NEK11: variants seen among roughly 807,000 people sequenced by gnomAD.
NEK11 encodes the protein serine/threonine-protein kinase Nek11.
NEK11 carries 72 observed loss-of-function variants against 80.7 expected under a neutral mutation model. The observed-to-expected ratio is 0.89, with a 90% CI of 0.74 to 1.08. The LOEUF is 1.08. NEK11 is among the 50% of genes least tolerant of loss of function. The pLI is 0.00. For synonymous variants in NEK11, 251 were observed against 260.7 expected, an observed-to-expected ratio of 0.96 and a Z score of 0.36; for missense variants, 764 against 763.6, an observed-to-expected ratio of 1.00 and a Z score of -0.01.
intron 11 of NEK11, among the ~76,000 whole-genome samples, chr3:131,164,208 A>G (rs1362601456): frequency 6.6e-6 from 1 of 152,194 alleles, no homozygotes; most frequent in African/African-American, 2.4e-5. Flanking sequence ...ATATTTAACA[A>G]CCAGCTCTGG....
At chr3:131,135,386 A>G (rs1349033965) in intron 7 of NEK11, among the ~76,000 whole-genome samples, 1 of 152,174 alleles carries the variant, frequency 6.6e-6, no homozygotes, top group Non-Finnish European at 1.5e-5. Context: ...TACCACATCC[A>G]AAAGAAAAAG....
At chr3:131,180,338 A>G (rs947539259) in intron 14 of NEK11, among the ~76,000 whole-genome samples, 2 of 152,218 alleles carry the variant, frequency 1.3e-5, no homozygotes, top group Non-Finnish European at 2.9e-5. Flanking sequence ...AAATTAGGGT[A>G]ATGAACAAAA....
rs377447078 is a variant in NEK11 at position 131,029,881 on chromosome 3, A to G, written c.170+3A>G. 9.3e-6 allele frequency: 15 copies of G among 1,613,872 alleles called. No individual in the cohort carries two copies. Among genetic ancestry groups the G allele is most frequent in the African/African-American group, 1.3e-5 (1 of 74,932 alleles). ...AAAGCCAAACGAGGAGAGGAATTGT[A>G]AGTAAAAATGCTTCCTATGAATCTT... is the stretch of plus-strand genomic sequence containing the variant. On this transcript the variant is annotated splice_donor_region_variant and intron_variant, in intron 3 of 17. Transcript: ENST00000383366.
At chr3:131,231,018 C>T (rs2095319427) in intron 15 of NEK11, among the ~76,000 whole-genome samples, 1 of 152,098 alleles carries the variant, frequency 6.6e-6, no homozygotes, top group African/African-American at 2.4e-5. Context: ...TCCACCATGA[C>T]TGTGAGGCCT....
chr3:131,168,774 G>T, intron 12 of NEK11, 56 bp from the exon 13 acceptor site: 2 of 1,325,580 alleles, frequency 1.5e-6, no homozygotes, highest in East Asian at 2.4e-5. Flanking sequence ...TTCACCTCTA[G>T]ATGAAGAAAG....
chr3:131,130,188 G>A (rs991007739), intron 5 of NEK11, among the ~76,000 whole-genome samples: 37 of 151,712 alleles, frequency 2.4e-4, no homozygotes, highest in Middle Eastern at 3.2e-3. Context: ...TCATTTCAGG[G>A]GTACTAATGT....
intron 14 of NEK11, among the ~76,000 whole-genome samples, chr3:131,179,912 C>A (rs545093968): frequency 7.2e-4 from 109 of 152,204 alleles, no homozygotes; most frequent in Non-Finnish European, 6.6e-4. Context: ...TTGTATTGGT[C>A]AGGCTAGGCT....
In NEK11 at chr3:131,125,952, G is replaced by A. The variant is rs1204350199; in HGVS notation, c.456-6793G>A. Among the ~76,000 whole-genome samples the A allele has an allele frequency of 1.5e-4, 23 of 152,210 alleles. 1 individual carries two copies. Among genetic ancestry groups the A allele is most frequent in the Admixed American group, 1.4e-3 (22 of 15,270 alleles). The stretch of plus-strand genomic sequence containing the variant: ...AACTGTAGACTCTATTCTGGAAGCA[G>A]TGCAGAGCCATTGAAGGACTTAAGT... On this transcript the variant is annotated intron_variant, in intron 5 of 17. Transcript: ENST00000383366.
At position 131,333,748 on chromosome 3, in the gene NEK11, G is replaced by C. The variant is rs190369398; in HGVS notation, c.1719-15809G>C. Among the ~76,000 whole-genome samples, 4 of 152,298 alleles carry C rather than the reference G, an allele frequency of 2.6e-5. No homozygotes were observed. In the East Asian group the frequency reaches 7.7e-4, roughly 29 times the overall value. Reference sequence around the variant, plus strand: ...ATCTCATGTGCTGAGACACACATAGGCTCAAAATAAAAGGATGGAGGAAGA... The same window carrying C: ...ATCTCATGTGCTGAGACACACATAGCCTCAAAATAAAAGGATGGAGGAAGA... On this transcript the variant is annotated intron_variant, in intron 17 of 17. Coordinates refer to ENST00000383366, the MANE Select transcript of NEK11 (RefSeq NM_024800.5).
At chr3:131,145,773 A>T (rs2088066822) in intron 7 of NEK11, among the ~76,000 whole-genome samples, 1 of 152,116 alleles carries the variant, frequency 6.6e-6, no homozygotes, top group African/African-American at 2.4e-5. Context: ...CCTACTCAGT[A>T]TGGAACCTTG....
At chr3:131,176,448 G>A (rs1370517485) in intron 14 of NEK11, among the ~76,000 whole-genome samples, 2 of 152,134 alleles carry the variant, frequency 1.3e-5, no homozygotes, top group Non-Finnish European at 2.9e-5. Context: ...TTTCATAATA[G>A]TGTTTCCACC....
At chr3:131,113,249 A>G (rs1047736678) in intron 5 of NEK11, among the ~76,000 whole-genome samples, 1 of 152,076 alleles carries the variant, frequency 6.6e-6, no homozygotes, top group African/African-American at 2.4e-5. Flanking sequence ...TTAATTATGA[A>G]TATGCTGGGT....
chr3:131,228,502 A>G (rs776039772), intron 14 of NEK11, 26 bp from the exon 15 acceptor site: 1 of 1,583,100 alleles, frequency 6.3e-7, no homozygotes. Context: ...AACTGGTAGT[A>G]TCTGACTGTT....
In NEK11 at chr3:131,229,268, G is replaced by A. The variant is rs202044865; in HGVS notation, c.1560+580G>A. ...AGTAGATCTCTTTTAACTATAGCAAGATTAAGCCTTATATGGGCCATAGGT... is the reference window on the plus strand; with the variant it reads ...AGTAGATCTCTTTTAACTATAGCAAAATTAAGCCTTATATGGGCCATAGGT... On this transcript the variant is annotated intron_variant, in intron 15 of 17. Transcript: ENST00000383366. Among the ~76,000 whole-genome samples the A allele has an allele frequency of 4.5e-4, 68 of 151,652 alleles. 1 individual carries two copies. The East Asian group carries it at 0.013, about 28-fold the overall frequency.
intron 14 of NEK11, among the ~76,000 whole-genome samples, chr3:131,173,768 T>C (rs2092834635): frequency 6.6e-6 from 1 of 152,164 alleles, no homozygotes; most frequent in African/African-American, 2.4e-5. Context: ...CCAGCTACTA[T>C]GGAAAACCCA....
chr3:131,332,743 T>C (rs923666003), intron 17 of NEK11, among the ~76,000 whole-genome samples: 2 of 152,028 alleles, frequency 1.3e-5, no homozygotes, highest in African/African-American at 4.8e-5. Flanking sequence ...AATGTATAAC[T>C]AGAATAACCA....
At chr3:131,033,590 G>A (rs1299860221) in intron 3 of NEK11, among the ~76,000 whole-genome samples, 1 of 152,136 alleles carries the variant, frequency 6.6e-6, no homozygotes, top group African/African-American at 2.4e-5. Context: ...CAAAGAACTT[G>A]ACAAAATGGA....
chr3:131,038,108 A>C (rs2065923599), intron 3 of NEK11, among the ~76,000 whole-genome samples: 1 of 152,162 alleles, frequency 6.6e-6, no homozygotes, highest in Non-Finnish European at 1.5e-5. Context: ...TTTAAGAGAA[A>C]GTATAACATG....
chr3:131,224,671 G>A (rs1038491755), intron 14 of NEK11, among the ~76,000 whole-genome samples: 2 of 152,182 alleles, frequency 1.3e-5, no homozygotes, highest in African/African-American at 4.8e-5. Context: ...CTCCGTGTGT[G>A]TTACTGCCCC....
Sources: gnomAD v4.1 joint callset for allele counts (sites outside exome capture counted in the v4.1 genomes callset) on GRCh38, gnomAD v4.1.1 for gene constraint, MANE v1.5 for transcripts, NCBI Gene and HGNC (gene_info 2026-07-23, HGNC 2026-07-21) for gene names.